The following ZNF606 variants were observed in gnomAD, a reference collection of about 807,000 sequenced individuals.
ZNF606 encodes zinc finger protein 606.
Under a neutral mutation model 74.9 loss-of-function variants are expected in ZNF606, and 37 were observed. The observed-to-expected ratio is 0.49, with a 90% CI of 0.38 to 0.65. The LOEUF is 0.65. ZNF606 is among the 30% of genes least tolerant of loss of function. The probability of loss-of-function intolerance (pLI) is 0.00; values close to 1 mark genes in which losing one functional copy is unlikely to be tolerated. For synonymous variants in ZNF606, 328 were observed against 312.4 expected, an observed-to-expected ratio of 1.05 and a Z score of -0.53; for missense variants, 852 against 952.9, an observed-to-expected ratio of 0.89 and a Z score of 1.39.
chr19:57,994,676 C>G (rs1184595251), intron 4 of ZNF606, among the ~76,000 whole-genome samples: 1 of 152,098 alleles, frequency 6.6e-6, no homozygotes, highest in Non-Finnish European at 1.5e-5. Flanking sequence ...ATAAAGACAT[C>G]AAAAGGTACT....
intron 4 of ZNF606, among the ~76,000 whole-genome samples, chr19:57,993,450 G>T (rs947790090): frequency 5.3e-5 from 8 of 152,166 alleles, no homozygotes; most frequent in Admixed American, 3.9e-4. Flanking sequence ...ACAGATAGAT[G>T]AAGGTAAGGC....
intron 4 of ZNF606, 103 bp from the exon 5 acceptor site, chr19:57,988,824 G>C (rs866084417): frequency 1.9e-6 from 3 of 1,556,282 alleles, no homozygotes; most frequent in African/African-American, 1.4e-5. Context: ...ACAGGATGTA[G>C]AGAAACTCTC....
chr19:57,988,193 G>T lies in ZNF606; in HGVS notation c.400+14C>A. 6.2e-7 allele frequency: 1 copy of T among 1,607,520 alleles called. No individual in the cohort carries two copies. Among genetic ancestry groups the T allele is most frequent in the Non-Finnish European group, 8.5e-7 (1 of 1,176,366 alleles). On this transcript the variant is annotated intron_variant, in intron 6 of 6. Transcript: ENST00000551380. ...GGGGGGAAGTTCCTTGTTCAGCCTG[G>T]GGTCTGCCCTCACCTGGACAAGTGC...
intron 4 of ZNF606, among the ~76,000 whole-genome samples, chr19:57,990,647 T>C (rs2073244519): frequency 6.6e-6 from 1 of 151,938 alleles, no homozygotes; most frequent in South Asian, 2.1e-4. Context: ...GCCCCTCCTC[T>C]TCACAGCTAC....
intron 6 of ZNF606, 80 bp downstream of exon 6, chr19:57,988,127 A>G: frequency 1.2e-5 from 12 of 1,042,818 alleles, no homozygotes; most frequent in Non-Finnish European, 1.7e-5. Flanking sequence ...GAGGAAGGTA[A>G]CTCTTCATGG....
Position 57,988,742 on chromosome 19 carries a change from C to T in ZNF606, c.178-21G>A, listed in dbSNP as rs1600220729. The T allele has an allele frequency of 3.1e-6, 5 of 1,613,862 alleles. No individual in the cohort carries two copies. The East Asian group carries it at 8.9e-5, about 29-fold the overall frequency. ...GGTTCCTAAAAGAACACAAACGTTC[C>T]TTCTCAGCCTGTGACCACCCCCTCC... On this transcript the variant is annotated intron_variant, in intron 4 of 6. Coordinates refer to ENST00000551380, the MANE Select transcript of ZNF606 (RefSeq NM_001348022.3).
In ZNF606 at chr19:57,978,834, T is replaced by C. The variant is rs1325512198; in HGVS notation, c.1846A>G (p.Ile616Val). ...TAGGGCTTAATTCCAGAATGAATTATCTCATGTTTAGTGAGGGCTGAGCGT... is the reference window on the plus strand; with the variant it reads ...TAGGGCTTAATTCCAGAATGAATTACCTCATGTTTAGTGAGGGCTGAGCGT... ...RERSALTKHE[I>V]IHSGIKPYEC... is the part of the protein sequence containing the mutation. Residue 616 changes from isoleucine to valine, a missense_variant, in exon 7 of 7, where the codon ATA becomes GTA. Physicochemically the swap from Ile to Val is conservative, Grantham distance 29. Coordinates refer to ENST00000551380, the MANE Select transcript of ZNF606 (RefSeq NM_001348022.3). This position sits in a 1 kb window ranked among gnomAD's most constrained non-coding sequence, Gnocchi z 4.4. 6.2e-7 allele frequency: 1 copy of C among 1,614,208 alleles called. No individual in the cohort carries two copies.
intron 4 of ZNF606, among the ~76,000 whole-genome samples, chr19:57,996,374 A>G (rs1406116073): frequency 1.3e-5 from 2 of 152,100 alleles, no homozygotes; most frequent in African/African-American, 4.8e-5. Context: ...GGTGGCACAC[A>G]CCTGTAATCT....
At chr19:58,002,826 G>A (rs1447394167), upstream of ZNF606, 1 of 448,204 alleles carries the variant, frequency 2.2e-6, no homozygotes, top group Non-Finnish European at 4.5e-6. Flanking sequence ...CGACCGGAGC[G>A]CGCCGCGGGG....
Position 57,980,006 on chromosome 19 carries a change from A to T in ZNF606, c.674T>A (p.Phe225Tyr). The T allele has an allele frequency of 6.2e-7, 1 of 1,613,724 alleles. No individual in the cohort carries two copies. Among genetic ancestry groups the T allele is most frequent in the South Asian group, 1.1e-5 (1 of 91,080 alleles). ...LGAEFSQNLN[F>Y]VPSQRVSQIE... ...CTGAGAAACTCTCTGAGATGGAACAAAGTTTAAGTTCTGGCTAAACTCTGC... is the reference window on the plus strand; with the variant it reads ...CTGAGAAACTCTCTGAGATGGAACATAGTTTAAGTTCTGGCTAAACTCTGC... Residue 225 changes from phenylalanine to tyrosine, a missense_variant, in exon 7 of 7, where the codon TTT (phenylalanine) becomes TAT (tyrosine). By Grantham distance (22) the Phe-to-Tyr change is conservative. Coordinates refer to ENST00000551380, the MANE Select transcript of ZNF606 (RefSeq NM_001348022.3).
At chr19:57,987,199 G>T (rs980865157) in intron 6 of ZNF606, among the ~76,000 whole-genome samples, 1 of 152,104 alleles carries the variant, frequency 6.6e-6, no homozygotes, top group Non-Finnish European at 1.5e-5. Flanking sequence ...TCTGTGTTTT[G>T]GGGGAATAAC....
chr19:57,998,365 G>GTC (rs2073368457), intron 4 of ZNF606: 1 of 151,954 alleles, frequency 6.6e-6, no homozygotes, highest in African/African-American at 2.4e-5. Context: ...CATTTACATT[G>GTC]TAATTACATT....
intron 4 of ZNF606, among the ~76,000 whole-genome samples, chr19:57,995,127 T>C (rs541828950): frequency 2.4e-4 from 36 of 150,056 alleles, no homozygotes; most frequent in African/African-American, 6.4e-4. Context: ...CGAGGCAAGG[T>C]TGCAGTGAGC....
chr19:58,002,885 G>A (rs974464256), upstream of ZNF606: 20 of 432,508 alleles, frequency 4.6e-5, no homozygotes, highest in South Asian at 3.2e-4. Context: ...GTCGGGCAGC[G>A]GCGCCGCCAT....
intron 4 of ZNF606, among the ~76,000 whole-genome samples, chr19:57,996,433 G>A (rs905004820): frequency 6.6e-5 from 10 of 152,204 alleles, no homozygotes; most frequent in African/African-American, 2.4e-4. Flanking sequence ...CCCGGGAGGG[G>A]AGGCTGCATC....
intron 6 of ZNF606, among the ~76,000 whole-genome samples, chr19:57,985,300 G>A (rs2073147953): frequency 6.6e-6 from 1 of 152,276 alleles, no homozygotes; most frequent in Non-Finnish European, 1.5e-5. Flanking sequence ...TGGTACTTCA[G>A]TGAGCAGAAC....
intron 4 of ZNF606, among the ~76,000 whole-genome samples, chr19:57,991,663 C>G (rs558363213): frequency 6.6e-6 from 1 of 152,062 alleles, no homozygotes; most frequent in South Asian, 2.1e-4. Context: ...GCCTATAATC[C>G]CAGCTACTCG....
At chr19:57,980,480 T>C (rs2073068343) in intron 6 of ZNF606, among the ~76,000 whole-genome samples, 1 of 152,170 alleles carries the variant, frequency 6.6e-6, no homozygotes, top group African/African-American at 2.4e-5. Context: ...ACAAAGTGTG[T>C]ACTGAAAACT....
Position 58,000,708 on chromosome 19 carries a change from T to G in ZNF606, c.63A>C (p.Thr21=). 1 of 1,611,552 alleles carries G rather than the reference T, an allele frequency of 6.2e-7. No individual in the cohort carries two copies. Residue 21 remains threonine, a synonymous_variant, in exon 3 of 7, where the codon ACA becomes ACC. Transcript: ENST00000551380. ...CCCAGGAGGCCCATGGGTCAACAGCTGTCATCCCCCAAGATTGGTCCGTAA... is the reference window on the plus strand; with the variant it reads ...CCCAGGAGGCCCATGGGTCAACAGCGGTCATCCCCCAAGATTGGTCCGTAA... ...GALTDQSWGM[T]AVDPWASWAL...
Sources: gnomAD v4.1 joint callset for allele counts (sites outside exome capture counted in the v4.1 genomes callset) on GRCh38, gnomAD v4.1.1 for gene constraint, Gnocchi (gnomAD v3.1) non-coding constraint, MANE v1.5 for transcripts, NCBI Gene and HGNC (gene_info 2026-07-23, HGNC 2026-07-21) for gene names.